DGKG: variants seen among roughly 807,000 people sequenced by gnomAD.
The protein encoded by DGKG is diacylglycerol kinase gamma.
DGKG carries 78 observed loss-of-function variants against 105.3 expected under a neutral mutation model. The ratio of observed to expected loss-of-function variants is 0.74; its 90% CI spans 0.62 to 0.89. The LOEUF is 0.89. DGKG is among the 40% of genes least tolerant of loss of function. DGKG has a pLI of 0.00. For missense variants in DGKG, 958 were observed against 1,020.1 expected (o/e 0.94, Z 0.83); for synonymous variants, 346 against 367.1 (o/e 0.94, Z 0.66).
chr3:186,216,054 A>G (rs2108524698), intron 20 of DGKG, among the ~76,000 whole-genome samples: 2 of 151,798 alleles, frequency 1.3e-5, no homozygotes, highest in South Asian at 4.2e-4. Flanking sequence ...GCTGGAGTAC[A>G]GTGGTACAAT....
At chr3:186,160,405 A>G in intron 24 of DGKG, 7 of 985,374 alleles carry the variant, frequency 7.1e-6, no homozygotes, top group South Asian at 9.4e-5. Flanking sequence ...CCATCAAATG[A>G]TAAATAGTAG....
chr3:186,280,412 G>T (rs541188990), intron 8 of DGKG, among the ~76,000 whole-genome samples: 14 of 152,310 alleles, frequency 9.2e-5, no homozygotes, highest in Non-Finnish European at 1.5e-4. Flanking sequence ...TTCTTTGACT[G>T]ATGAATTTCT....
chr3:186,181,347 G>A (rs1450247814), intron 22 of DGKG, among the ~76,000 whole-genome samples: 3 of 152,278 alleles, frequency 2.0e-5, no homozygotes, highest in South Asian at 2.1e-4. Context: ...GAACACTACC[G>A]AGGGTATCTG....
chr3:186,280,064 T>C (rs1165456202), intron 8 of DGKG, 91 bp from the exon 9 acceptor site: 22 of 1,536,670 alleles, frequency 1.4e-5, no homozygotes, highest in East Asian at 2.3e-5. Flanking sequence ...TCTTGCATTA[T>C]CTGGTTTGTG....
chr3:186,221,212 T>A (rs1029288492), intron 20 of DGKG, among the ~76,000 whole-genome samples: 1 of 152,150 alleles, frequency 6.6e-6, no homozygotes, highest in Non-Finnish European at 1.5e-5. Context: ...CAGGGGAGAA[T>A]GCTGAGGGGC....
chr3:186,293,372 T>C (rs1284318463), intron 5 of DGKG, among the ~76,000 whole-genome samples: 1 of 152,212 alleles, frequency 6.6e-6, no homozygotes, highest in Non-Finnish European at 1.5e-5. Flanking sequence ...TGTATTACTT[T>C]TATAATTTGG....
At chr3:186,199,185 G>C (rs912879498) in intron 21 of DGKG, among the ~76,000 whole-genome samples, 2 of 152,060 alleles carry the variant, frequency 1.3e-5, no homozygotes, top group African/African-American at 4.8e-5. Flanking sequence ...TCTTGACCTC[G>C]TGATCTGCCC....
chr3:186,348,717 C>T (rs950093713), intron 1 of DGKG, among the ~76,000 whole-genome samples: 2 of 152,022 alleles, frequency 1.3e-5, no homozygotes, highest in Admixed American at 1.3e-4. Flanking sequence ...TCCCCAAGTG[C>T]TTGATTTATA....
chr3:186,358,161 G>T (rs1727059693), intron 1 of DGKG, among the ~76,000 whole-genome samples: 1 of 152,242 alleles, frequency 6.6e-6, no homozygotes, highest in Non-Finnish European at 1.5e-5. Flanking sequence ...TGTTGACTAT[G>T]GATTGGCACT....
chr3:186,194,961 C>T (rs1037872342), intron 21 of DGKG, among the ~76,000 whole-genome samples: 1 of 151,940 alleles, frequency 6.6e-6, no homozygotes, highest in Non-Finnish European at 1.5e-5. Context: ...AAAAATTAGC[C>T]GGGCGTGGTG....
At chr3:186,206,750 T>A (rs572841319) in intron 21 of DGKG, among the ~76,000 whole-genome samples, 15 of 150,230 alleles carry the variant, frequency 1.0e-4, no homozygotes, top group Non-Finnish European at 2.2e-4. Flanking sequence ...GGCTTCTTTT[T>A]TGTTTTTTTG....
intron 1 of DGKG, among the ~76,000 whole-genome samples, chr3:186,358,105 A>G (rs961865588): frequency 2.0e-5 from 3 of 152,270 alleles, no homozygotes; most frequent in Admixed American, 6.5e-5. Flanking sequence ...AGCATCCAGT[A>G]CAGGACCTGG....
intron 21 of DGKG, among the ~76,000 whole-genome samples, chr3:186,196,994 T>A (rs1304117201): frequency 6.6e-6 from 1 of 152,154 alleles, no homozygotes; most frequent in Non-Finnish European, 1.5e-5. Context: ...AGATACTCAA[T>A]ACATCTTGTT....
chr3:186,339,424 TC>T, intron 1 of DGKG, among the ~76,000 whole-genome samples: 1 of 152,212 alleles, frequency 6.6e-6, no homozygotes, highest in Admixed American at 6.5e-5. Context: ...ACTAACTGTG[TC>T]TTACATGCCT....
In DGKG at chr3:186,148,617, C is replaced by G; in HGVS notation, c.*1473G>C. 1.0e-6 allele frequency: 1 copy of G among 985,378 alleles called. No homozygotes were observed. Among genetic ancestry groups the G allele is most frequent in the Non-Finnish European group, 1.2e-6 (1 of 829,924 alleles). The allele number at this position is 985,378 out of a possible 1,614,324, so 61.0% of individuals were successfully genotyped here. The stretch of plus-strand genomic sequence containing the variant: ...TTTTCTCCATTAAATATCTTTGTAA[C>G]GGCACCTACTCTCAAGCTGCATTAG... On this transcript the variant is annotated 3_prime_UTR_variant, in exon 25 of 25. Coordinates refer to ENST00000265022, the MANE Select transcript of DGKG (RefSeq NM_001346.3).
intron 2 of DGKG, among the ~76,000 whole-genome samples, chr3:186,307,198 C>G (rs1259102299): frequency 6.6e-6 from 1 of 152,186 alleles, no homozygotes; most frequent in Non-Finnish European, 1.5e-5. Context: ...CAAATCTGAT[C>G]AGATCATATC....
intron 20 of DGKG, among the ~76,000 whole-genome samples, chr3:186,233,626 C>T (rs562231779): frequency 3.9e-5 from 6 of 152,254 alleles, no homozygotes; most frequent in Non-Finnish European, 7.4e-5. Flanking sequence ...ACTACAGGCG[C>T]CCACCACCAC....
intron 24 of DGKG, chr3:186,161,218 C>T: frequency 2.0e-6 from 2 of 996,176 alleles, no homozygotes; most frequent in Non-Finnish European, 2.4e-6. Context: ...CGTAAGGAAG[C>T]AATTTGACTT....
At chr3:186,242,757 G>A in intron 19 of DGKG, 189 bp from the exon 20 acceptor site, 1 of 515,856 alleles carries the variant, frequency 1.9e-6, no homozygotes, top group Non-Finnish European at 3.5e-6. Context: ...GGATGAGCTA[G>A]CACCACCAAT....
Sources: allele counts gnomAD v4.1 joint callset (sites outside exome capture counted in the v4.1 genomes callset), GRCh38; gene constraint gnomAD v4.1.1; transcripts MANE v1.5; gene names NCBI Gene and HGNC (gene_info 2026-07-23, HGNC 2026-07-21).